FTO: variants seen among roughly 807,000 people sequenced by gnomAD.
FTO encodes the protein FTO alpha-ketoglutarate dependent dioxygenase, also known as alpha-ketoglutarate-dependent dioxygenase FTO.
In FTO, 47 loss-of-function variants were observed where a neutral mutation model predicts 63.9. That is an observed-to-expected ratio of 0.74 (90% CI 0.58 to 0.94). The LOEUF (loss-of-function observed/expected upper bound fraction) is 0.94, where lower values mean the gene tolerates loss of function less well. Ranked by LOEUF, FTO falls within the 40% of genes least tolerant of loss-of-function variation. FTO has a pLI of 0.00. For missense variants in FTO, 562 were observed against 618.1 expected, an observed-to-expected ratio of 0.91 and a Z score of 0.96; for synonymous variants, 207 against 224.4, an observed-to-expected ratio of 0.92 and a Z score of 0.69.
chr16:54,102,629 T>G (rs1264095080), intron 8 of FTO, among the ~76,000 whole-genome samples: 1 of 152,158 alleles, frequency 6.6e-6, no homozygotes, highest in Non-Finnish European at 1.5e-5. Flanking sequence ...CTGTAGGTCA[T>G]GTAGGTGCTG....
chr16:53,803,200 T>A (rs2078271477), intron 1 of FTO, among the ~76,000 whole-genome samples: 1 of 152,258 alleles, frequency 6.6e-6, no homozygotes, highest in South Asian at 2.1e-4. Context: ...TCATTTATGT[T>A]ACTTGGAAAC....
intron 1 of FTO, among the ~76,000 whole-genome samples, chr16:53,743,423 T>A (rs2076573821): frequency 6.6e-6 from 1 of 151,694 alleles, no homozygotes; most frequent in African/African-American, 2.4e-5. Flanking sequence ...GCAGTTACCT[T>A]TTCATCCTTT....
At chr16:54,101,279 C>T (rs1365886865) in intron 8 of FTO, among the ~76,000 whole-genome samples, 3 of 152,146 alleles carry the variant, frequency 2.0e-5, no homozygotes, top group East Asian at 1.9e-4. Flanking sequence ...TCCCCCTCCT[C>T]GCACACTCCC....
At chr16:54,106,559 AATT>A (rs1372262585) in intron 8 of FTO, among the ~76,000 whole-genome samples, 1 of 142,132 alleles carries the variant, frequency 7.0e-6, no homozygotes, top group African/African-American at 2.6e-5. Flanking sequence ...TATTAGATAT[AATT>A]ATTCTATATA....
chr16:54,011,450 A>G (rs1346857288), intron 8 of FTO, among the ~76,000 whole-genome samples: 1 of 152,190 alleles, frequency 6.6e-6, no homozygotes, highest in Non-Finnish European at 1.5e-5. Context: ...CTATCAGCCT[A>G]ATGGTTCTCA....
chr16:53,821,172 G>A (rs1373151435), intron 2 of FTO, among the ~76,000 whole-genome samples: 1 of 152,158 alleles, frequency 6.6e-6, no homozygotes. Flanking sequence ...GTGCATATGA[G>A]TGCATTATTT....
intron 7 of FTO, among the ~76,000 whole-genome samples, chr16:53,915,548 C>T (rs1410672480): frequency 6.6e-6 from 1 of 152,076 alleles, no homozygotes; most frequent in East Asian, 1.9e-4. Context: ...AAGAGTTAAC[C>T]AAAACTAAAG....
At chr16:53,776,511 G>A (rs2077462991) in intron 1 of FTO, among the ~76,000 whole-genome samples, 1 of 152,116 alleles carries the variant, frequency 6.6e-6, no homozygotes, top group African/African-American at 2.4e-5. Context: ...CCTAAAAATT[G>A]TTGAGGACTC....
intron 6 of FTO, among the ~76,000 whole-genome samples, chr16:53,880,321 C>A (rs1030934190): frequency 2.0e-4 from 31 of 152,136 alleles, no homozygotes; most frequent in African/African-American, 7.2e-4. Flanking sequence ...TGTGAAAGAT[C>A]TGAGATTCTA....
At chr16:54,062,058 C>G (rs2085589766) in intron 8 of FTO, among the ~76,000 whole-genome samples, 1 of 152,258 alleles carries the variant, frequency 6.6e-6, no homozygotes, top group East Asian at 1.9e-4. Flanking sequence ...AACATGGCCA[C>G]AGGCATCACG....
At chr16:54,059,446 G>A (rs775509746) in intron 8 of FTO, among the ~76,000 whole-genome samples, 5 of 152,108 alleles carry the variant, frequency 3.3e-5, no homozygotes, top group Non-Finnish European at 4.4e-5. Context: ...TTTAGAACTC[G>A]TGAGGGGGTA....
intron 7 of FTO, among the ~76,000 whole-genome samples, chr16:53,911,041 G>A: frequency 6.6e-6 from 1 of 152,260 alleles, no homozygotes; most frequent in Non-Finnish European, 1.5e-5. Context: ...TCTCAGAAGA[G>A]CTGAAAATAC....
At chr16:53,808,361 A>T (rs2078426787) in intron 1 of FTO, among the ~76,000 whole-genome samples, 1 of 152,156 alleles carries the variant, frequency 6.6e-6, no homozygotes, top group South Asian at 2.1e-4. Context: ...TCTTTGTTTA[A>T]CTGGTAAGTC....
chr16:53,844,483 G>C (rs2079564967), intron 4 of FTO, among the ~76,000 whole-genome samples, 185 bp downstream of exon 4: 1 of 151,964 alleles, frequency 6.6e-6, no homozygotes, highest in Non-Finnish European at 1.5e-5. Flanking sequence ...TTTTGAGATG[G>C]AGCTTCACTC....
In FTO at chr16:53,753,776, G is replaced by T. The variant is rs1169225287; in HGVS notation, c.45+49547G>T. Among the ~76,000 whole-genome samples, 3 of 152,162 alleles carry T rather than the reference G, an allele frequency of 2.0e-5. No individual in the cohort carries two copies. The East Asian group carries it at 5.8e-4, about 29-fold the overall frequency. On this transcript the variant is annotated intron_variant, in intron 1 of 8. Coordinates refer to ENST00000471389, the MANE Select transcript of FTO (RefSeq NM_001080432.3). ...CACCATTTCCTCAGCTGGGAAGTGTGGGATTGTAGAAGCTGCTTCCCTTCT... is the reference window on the plus strand; with the variant it reads ...CACCATTTCCTCAGCTGGGAAGTGTTGGATTGTAGAAGCTGCTTCCCTTCT...
chr16:54,089,539 G>T (rs1374919748), intron 8 of FTO, among the ~76,000 whole-genome samples: 2 of 152,080 alleles, frequency 1.3e-5, no homozygotes, highest in Admixed American at 6.6e-5. Flanking sequence ...AGATAAATTG[G>T]ACTTCATCAG....
At chr16:53,871,695 T>C (rs79224961) in intron 4 of FTO, among the ~76,000 whole-genome samples, 4,731 of 152,204 alleles carry the variant, frequency 0.031, 270 homozygotes, top group African/African-American at 0.11. Flanking sequence ...TTTGCTCTAA[T>C]GAATAATTAA....
chr16:53,765,276 G>A (rs2077172063), intron 1 of FTO, among the ~76,000 whole-genome samples: 1 of 152,078 alleles, frequency 6.6e-6, no homozygotes, highest in South Asian at 2.1e-4. Context: ...GTAAACAGTG[G>A]CTGGGCATGG....
chr16:53,979,566 T>C (rs77345086), intron 8 of FTO: 22,258 of 330,734 alleles, frequency 0.067, 1,220 homozygotes, highest in East Asian at 0.26. Flanking sequence ...TGTGTGTGTG[T>C]GCGCGCGTGT....
Sources: allele counts gnomAD v4.1 joint callset (sites outside exome capture counted in the v4.1 genomes callset), GRCh38; gene constraint gnomAD v4.1.1; transcripts MANE v1.5; gene names NCBI Gene and HGNC (gene_info 2026-07-23, HGNC 2026-07-21).